Variants in HPSE2 observed in about 807,000 individuals in gnomAD.
The protein encoded by HPSE2 is heparanase 2 (inactive), also known as inactive heparanase-2.
A neutral mutation model predicts 60.5 loss-of-function variants in HPSE2; 38 were observed. That is an observed-to-expected ratio of 0.63 (90% CI 0.48 to 0.82). HPSE2 has a LOEUF of 0.82. HPSE2 is among the 40% of genes least tolerant of loss of function. The pLI is 0.00. For missense variants in HPSE2, 713 were observed against 740.4 expected, an observed-to-expected ratio of 0.96 and a Z score of 0.43; for synonymous variants, 295 against 293.2, an observed-to-expected ratio of 1.01 and a Z score of -0.06.
intron 3 of HPSE2, among the ~76,000 whole-genome samples, chr10:98,973,473 T>C (rs1190104536): frequency 6.6e-6 from 1 of 152,210 alleles, no homozygotes; most frequent in African/African-American, 2.4e-5. Flanking sequence ...TGTATTACCA[T>C]CTGAGAATCC....
intron 3 of HPSE2, among the ~76,000 whole-genome samples, chr10:99,137,360 C>T (rs926291894): frequency 1.3e-5 from 2 of 152,170 alleles, no homozygotes; most frequent in African/African-American, 4.8e-5. Context: ...ATCAAGCTAC[C>T]ACTGACTTTC....
intron 6 of HPSE2, among the ~76,000 whole-genome samples, chr10:98,678,058 C>G (rs1407615206): frequency 6.6e-6 from 1 of 152,082 alleles, no homozygotes; most frequent in African/African-American, 2.4e-5. Flanking sequence ...GTATACCCAC[C>G]ATATTTTGTT....
chr10:98,483,523 G>A (rs1198723294), intron 10 of HPSE2, among the ~76,000 whole-genome samples: 1 of 152,220 alleles, frequency 6.6e-6, no homozygotes, highest in Non-Finnish European at 1.5e-5. Context: ...CAAGGGAAAC[G>A]TGTGTTGTAT....
chr10:99,045,708 T>C (rs1042576592), intron 3 of HPSE2, among the ~76,000 whole-genome samples: 2 of 152,060 alleles, frequency 1.3e-5, no homozygotes, highest in African/African-American at 4.8e-5. Context: ...TATGAACAAC[T>C]CTATACACAC....
intron 9 of HPSE2, among the ~76,000 whole-genome samples, chr10:98,549,244 G>A (rs985750535): frequency 4.6e-5 from 7 of 152,068 alleles, no homozygotes; most frequent in African/African-American, 1.7e-4. Flanking sequence ...GTAAAATGAG[G>A]AAATTAATAG....
chr10:99,277,458 C>A, the HPSE2 span, among the ~76,000 whole-genome samples: 46 of 152,152 alleles, frequency 3.0e-4, no homozygotes, highest in African/African-American at 1.1e-3. Flanking sequence ...AAAATGAATC[C>A]CTTATGAGGT....
chr10:99,275,029 A>G, the HPSE2 span, among the ~76,000 whole-genome samples: 4 of 152,232 alleles, frequency 2.6e-5, no homozygotes, highest in South Asian at 8.3e-4. Flanking sequence ...AATTTAATCT[A>G]GCCCTTCATT....
chr10:98,623,404 A>G (rs927460688), intron 7 of HPSE2, among the ~76,000 whole-genome samples: 2 of 152,196 alleles, frequency 1.3e-5, no homozygotes, highest in Non-Finnish European at 2.9e-5. Context: ...AACATGTTCT[A>G]AAATTAGATT....
At chr10:98,889,168 T>G (rs1816931379) in intron 3 of HPSE2, among the ~76,000 whole-genome samples, 1 of 151,348 alleles carries the variant, frequency 6.6e-6, no homozygotes, top group African/African-American at 2.4e-5. Context: ...TGATTGAATC[T>G]TATAGACTAG....
chr10:99,080,809 A>G (rs1401594813), intron 3 of HPSE2, among the ~76,000 whole-genome samples: 1 of 152,234 alleles, frequency 6.6e-6, no homozygotes, highest in Non-Finnish European at 1.5e-5. Context: ...GCATTCTCTT[A>G]GCATATACAA....
chr10:98,462,668 G>GA (rs907353206), intron 11 of HPSE2, among the ~76,000 whole-genome samples: 10 of 151,358 alleles, frequency 6.6e-5, no homozygotes, highest in Non-Finnish European at 1.3e-4. Context: ...TTTTGTTTTT[G>GA]TTTTTTTGAG....
chr10:99,160,311 C>G (rs965187099), intron 2 of HPSE2, among the ~76,000 whole-genome samples: 2 of 151,940 alleles, frequency 1.3e-5, no homozygotes, highest in African/African-American at 4.8e-5. Flanking sequence ...TGGCTAATAG[C>G]ACATAAAATT....
At chr10:99,129,649 A>G (rs1564830447) in intron 3 of HPSE2, among the ~76,000 whole-genome samples, 1 of 151,976 alleles carries the variant, frequency 6.6e-6, no homozygotes, top group Non-Finnish European at 1.5e-5. Context: ...CTAAGAGGAA[A>G]GTTCATAGCA....
chr10:99,239,140 CAA>C (rs1375146729), upstream of HPSE2, among the ~76,000 whole-genome samples: 1 of 151,774 alleles, frequency 6.6e-6, no homozygotes, highest in Non-Finnish European at 1.5e-5. Context: ...GCCTGGGTGA[CAA>C]GAGCAAGACT....
chr10:98,762,357 G>C (rs2134391108), intron 3 of HPSE2, among the ~76,000 whole-genome samples: 1 of 151,886 alleles, frequency 6.6e-6, no homozygotes, highest in Admixed American at 6.6e-5. Flanking sequence ...AAGAAGTGAG[G>C]AAAAGTCTCT....
intron 3 of HPSE2, among the ~76,000 whole-genome samples, chr10:99,053,038 T>TG (rs904049259): frequency 4.8e-5 from 5 of 104,298 alleles, no homozygotes; most frequent in African/African-American, 1.3e-4. Context: ...ATTAATTTCT[T>TG]GAAAAAAAAA....
the HPSE2 span, among the ~76,000 whole-genome samples, chr10:99,268,113 C>T: frequency 3.0e-3 from 451 of 152,260 alleles, 2 homozygotes; most frequent in Non-Finnish European, 5.2e-3. Flanking sequence ...TCAGCAGAAA[C>T]CCTAAAAGCT....
At chr10:98,637,184 A>G (rs934116037) in intron 7 of HPSE2, among the ~76,000 whole-genome samples, 4 of 152,196 alleles carry the variant, frequency 2.6e-5, no homozygotes, top group African/African-American at 7.2e-5. Context: ...ATATAACCAG[A>G]TAATTCACCC....
chr10:99,059,811 G>C (rs1315659851), intron 3 of HPSE2, among the ~76,000 whole-genome samples: 1 of 152,052 alleles, frequency 6.6e-6, no homozygotes, highest in African/African-American at 2.4e-5. Flanking sequence ...CAGGACATAA[G>C]CTGATAGAGC....
Sources: allele counts gnomAD v4.1 joint callset (sites outside exome capture counted in the v4.1 genomes callset), GRCh38; gene constraint gnomAD v4.1.1; transcripts MANE v1.5; gene names NCBI Gene and HGNC (gene_info 2026-07-23, HGNC 2026-07-21).